The following STAT5B variants were observed in gnomAD, a reference collection of about 807,000 sequenced individuals.
STAT5B encodes the protein transcription factor STAT5B.
STAT5B carries 21 observed loss-of-function variants against 107.8 expected under a neutral mutation model. That is an observed-to-expected ratio of 0.19 (90% CI 0.14 to 0.28). The LOEUF (loss-of-function observed/expected upper bound fraction) is 0.28, where lower values mean the gene tolerates loss of function less well. STAT5B is among the 10% of genes least tolerant of loss of function. STAT5B has a pLI of 1.00. For synonymous variants in STAT5B, 325 were observed against 401.7 expected (o/e 0.81, Z 2.28); for missense variants, 565 against 1,008.2 (o/e 0.56, Z 5.95).
chr17:42,274,715 A>G (rs557099608), intron 1 of STAT5B, among the ~76,000 whole-genome samples: 2 of 152,360 alleles, frequency 1.3e-5, no homozygotes, highest in South Asian at 4.1e-4. Flanking sequence ...CTCACCTAGG[A>G]ACTCACAGGC....
intron 1 of STAT5B, chr17:42,271,886 T>C (rs1454868929): frequency 6.6e-6 from 1 of 152,196 alleles, no homozygotes; most frequent in African/African-American, 2.4e-5. Flanking sequence ...CATTTGCAAA[T>C]TGAATTGTAC....
intron 1 of STAT5B, among the ~76,000 whole-genome samples, chr17:42,260,935 G>C (rs1477918270): frequency 9.6e-6 from 1 of 104,644 alleles, no homozygotes; most frequent in Non-Finnish European, 1.9e-5. Flanking sequence ...TTTTTTTCTT[G>C]AGACAGAGTC....
At chr17:42,224,984 C>T in intron 3 of STAT5B, 116 bp from the exon 4 acceptor site, 3 of 936,460 alleles carry the variant, frequency 3.2e-6, no homozygotes, top group South Asian at 1.4e-5. Context: ...GGCACTGTTC[C>T]TCCAATACCA....
intron 1 of STAT5B, among the ~76,000 whole-genome samples, chr17:42,263,979 T>C (rs1291710167): frequency 6.6e-6 from 1 of 152,066 alleles, no homozygotes; most frequent in African/African-American, 2.4e-5. Context: ...CAATTGTATA[T>C]GATTGTTTGT....
chr17:42,218,949 G>C (rs911143082), intron 7 of STAT5B, 71 bp from the exon 8 acceptor site: 141 of 1,612,668 alleles, frequency 8.7e-5, no homozygotes, highest in Non-Finnish European at 1.2e-4. Flanking sequence ...CCAAGACACA[G>C]CTCCCGTTCC....
intron 1 of STAT5B, among the ~76,000 whole-genome samples, chr17:42,237,666 A>G (rs987198481): frequency 5.3e-5 from 8 of 152,110 alleles, no homozygotes; most frequent in Admixed American, 5.2e-4. Flanking sequence ...TGTATAATTT[A>G]AAGCATTTTG....
intron 1 of STAT5B, among the ~76,000 whole-genome samples, chr17:42,241,771 A>G (rs181276151): frequency 6.6e-6 from 1 of 152,140 alleles, no homozygotes; most frequent in Non-Finnish European, 1.5e-5. Flanking sequence ...GGACGGAAAA[A>G]TATTCAATAG....
chr17:42,276,295 G>GGCTTGCCC lies in STAT5B; in HGVS notation c.-66_-59dup, dbSNP rs2080765137. On this transcript the variant is annotated 5_prime_UTR_variant, in exon 1 of 19. Transcript: ENST00000293328. This position sits in a 1 kb window ranked among gnomAD's most constrained non-coding sequence, Gnocchi z 4.8. ...CGCGGCTGCTCCGGCCCAGCTGTCT[G>GGCTTGCCC]GCTTGCCCGCCCGCCCGCTCGCTCC... 1.4e-5 allele frequency: 2 copies of GGCTTGCCC among 147,564 alleles called. No homozygotes were observed. Among genetic ancestry groups the GGCTTGCCC allele is most frequent in the East Asian group, 3.9e-4 (2 of 5,098 alleles). The allele number at this position is 147,564 out of a possible 1,614,324, so 9.1% of individuals were successfully genotyped here.
At chr17:42,224,530 C>T (rs1390936089) in intron 4 of STAT5B, among the ~76,000 whole-genome samples, 17 of 151,754 alleles carry the variant, frequency 1.1e-4, no homozygotes, top group Non-Finnish European at 1.5e-5. Context: ...TTGGTAGAGA[C>T]GGGGTTTCAT....
the STAT5B span, among the ~76,000 whole-genome samples, chr17:42,284,836 C>T: frequency 6.6e-6 from 1 of 152,234 alleles, no homozygotes; most frequent in Non-Finnish European, 1.5e-5. Context: ...CATCTGTGCA[C>T]TTACTGGCCA....
Position 42,210,383 on chromosome 17 carries a change from T to C in STAT5B, c.1775+20A>G. The C allele has an allele frequency of 6.2e-7, 1 of 1,614,048 alleles. No homozygotes were observed. Among genetic ancestry groups the C allele is most frequent in the Non-Finnish European group, 8.5e-7 (1 of 1,179,980 alleles). On this transcript the variant is annotated intron_variant, in intron 14 of 18. Coordinates refer to ENST00000293328, the MANE Select transcript of STAT5B (RefSeq NM_012448.4). ...AGACCTTCAGACTCTGTCGGCGCCT[T>C]AAGAAATAATGATTCTCACCCATCA...
At chr17:42,264,261 G>C (rs889402498) in intron 1 of STAT5B, among the ~76,000 whole-genome samples, 1 of 151,292 alleles carries the variant, frequency 6.6e-6, no homozygotes, top group Non-Finnish European at 1.5e-5. Flanking sequence ...CATTGTGCAG[G>C]TTAGTTACAT....
At chr17:42,218,923 G>A (rs2467651) in intron 7 of STAT5B, 45 bp from the exon 8 acceptor site, 11 of 1,613,514 alleles carry the variant, frequency 6.8e-6, no homozygotes, top group African/African-American at 1.3e-5. Flanking sequence ...TGGCTCCTCC[G>A]CACAGACGCC....
chr17:42,259,981 A>G (rs748161308), intron 1 of STAT5B, among the ~76,000 whole-genome samples: 1 of 152,226 alleles, frequency 6.6e-6, no homozygotes, highest in Admixed American at 6.5e-5. Flanking sequence ...GTTGATTGTA[A>G]GCCAGATGTT....
At chr17:42,280,420 G>A (rs1194448443), upstream of STAT5B, among the ~76,000 whole-genome samples, 3 of 152,108 alleles carry the variant, frequency 2.0e-5, no homozygotes, top group African/African-American at 7.2e-5. Context: ...CAGAGATCAT[G>A]AGGCCATTTT....
chr17:42,257,544 G>T (rs1247005694), intron 1 of STAT5B, among the ~76,000 whole-genome samples: 6 of 152,174 alleles, frequency 3.9e-5, no homozygotes, highest in African/African-American at 1.4e-4. Flanking sequence ...GATCATTTCA[G>T]TGTGGCATTA....
chr17:42,229,927 T>C (rs2080304678), intron 2 of STAT5B, among the ~76,000 whole-genome samples: 1 of 152,014 alleles, frequency 6.6e-6, no homozygotes, highest in Non-Finnish European at 1.5e-5. Flanking sequence ...AAACCAAAGC[T>C]AAAAAATTTC....
chr17:42,269,114 C>A (rs183434033), intron 1 of STAT5B, among the ~76,000 whole-genome samples: 2 of 152,266 alleles, frequency 1.3e-5, no homozygotes, highest in South Asian at 2.1e-4. Context: ...CGCTCCGTCT[C>A]CCAGGCTGGA....
intron 1 of STAT5B, among the ~76,000 whole-genome samples, chr17:42,260,733 A>T (rs1161623278): frequency 6.6e-6 from 1 of 152,026 alleles, no homozygotes; most frequent in African/African-American, 2.4e-5. Context: ...TTGAAATGAT[A>T]ATTTTTATAT....
Sources: allele counts gnomAD v4.1 joint callset (sites outside exome capture counted in the v4.1 genomes callset), GRCh38; gene constraint gnomAD v4.1.1; non-coding constraint Gnocchi (gnomAD v3.1); transcripts MANE v1.5; gene names NCBI Gene and HGNC (gene_info 2026-07-23, HGNC 2026-07-21).